Variants in SLC7A11 observed in about 807,000 individuals in gnomAD.
SLC7A11 encodes cystine/glutamate transporter.
Under a neutral mutation model 54.5 loss-of-function variants are expected in SLC7A11, and 35 were observed. That is an observed-to-expected ratio of 0.64 (90% CI 0.49 to 0.85). The LOEUF is 0.85. Ranked by LOEUF, SLC7A11 falls within the 40% of genes least tolerant of loss-of-function variation. SLC7A11 has a pLI of 0.00. For missense variants in SLC7A11, 583 were observed against 618.1 expected (o/e 0.94, Z 0.60); for synonymous variants, 230 against 225.2 (o/e 1.02, Z -0.19).
chr4:138,188,859 A>G (rs930579602), intron 6 of SLC7A11, among the ~76,000 whole-genome samples: 3 of 152,136 alleles, frequency 2.0e-5, no homozygotes, highest in Non-Finnish European at 4.4e-5. Context: ...ATTAAGTTCT[A>G]TTCTTTCTCA....
At chr4:138,228,185 G>C (rs1390368151) in intron 3 of SLC7A11, among the ~76,000 whole-genome samples, 1 of 151,948 alleles carries the variant, frequency 6.6e-6, no homozygotes, top group African/African-American at 2.4e-5. Context: ...TTGAGAATTA[G>C]GATGGGGTTC....
intron 2 of SLC7A11, among the ~76,000 whole-genome samples, chr4:138,235,768 A>G (rs1340978347): frequency 6.6e-6 from 1 of 152,198 alleles, no homozygotes; most frequent in East Asian, 1.9e-4. Flanking sequence ...CAACAATAAA[A>G]TCAAAAAAGA....
At chr4:138,207,145 T>C (rs992805154) in intron 6 of SLC7A11, among the ~76,000 whole-genome samples, 5 of 152,052 alleles carry the variant, frequency 3.3e-5, no homozygotes, top group African/African-American at 1.2e-4. Flanking sequence ...ACAGGGAATA[T>C]CTTTATAAAC....
At chr4:138,228,737 CG>C (rs1738002317) in intron 3 of SLC7A11, among the ~76,000 whole-genome samples, 1 of 111,816 alleles carries the variant, frequency 8.9e-6, no homozygotes, top group Non-Finnish European at 1.7e-5. Context: ...CCAGCCTGGG[CG>C]ACAGAGCAAG....
chr4:138,204,045 T>C (rs1299979879), intron 6 of SLC7A11, among the ~76,000 whole-genome samples: 1 of 152,066 alleles, frequency 6.6e-6, no homozygotes. Context: ...GCCCGAGACA[T>C]CTTCACTTCT....
At chr4:138,193,116 G>A (rs1737051924) in intron 6 of SLC7A11, among the ~76,000 whole-genome samples, 1 of 152,084 alleles carries the variant, frequency 6.6e-6, no homozygotes, top group African/African-American at 2.4e-5. Flanking sequence ...AATAAGAAAT[G>A]AAACAAGTAA....
At chr4:138,203,922 CTACT>C (rs1056576878) in intron 6 of SLC7A11, among the ~76,000 whole-genome samples, 12 of 152,022 alleles carry the variant, frequency 7.9e-5, no homozygotes, top group African/African-American at 2.9e-4. Flanking sequence ...CCACATCCTA[CTACT>C]ATCTTGATTT....
intron 11 of SLC7A11, among the ~76,000 whole-genome samples, chr4:138,178,972 A>T (rs1736650223): frequency 1.3e-5 from 2 of 152,154 alleles, no homozygotes; most frequent in Non-Finnish European, 2.9e-5. Flanking sequence ...ATAAAATTTC[A>T]TCTAAAACAA....
At chr4:138,173,496 T>C (rs1736488748) in intron 11 of SLC7A11, among the ~76,000 whole-genome samples, 1 of 151,820 alleles carries the variant, frequency 6.6e-6, no homozygotes, top group African/African-American at 2.4e-5. Flanking sequence ...AAGCTGGGTG[T>C]GATGGTGCAT....
intron 6 of SLC7A11, among the ~76,000 whole-genome samples, chr4:138,205,006 T>C (rs1213803161): frequency 6.6e-6 from 1 of 152,070 alleles, no homozygotes; most frequent in Non-Finnish European, 1.5e-5. Context: ...TTGAAGAATA[T>C]AGGTTTTGGT....
Position 138,185,162 on chromosome 4 carries a change from T to C in SLC7A11, c.874A>G (p.Ile292Val). The change falls in exon 7 of 12, where the codon ATT (isoleucine) becomes GTT (valine). Residue 292 changes from isoleucine to valine, a missense_variant. Transcript: ENST00000280612. ...GAAAGCAGCAGCTCCTCAGCATTAA[T>C]GGTCGTAAAGTAGGCCACATTTGTC... Reference protein sequence around the residue: ...VLTNVAYFTTINAEELLLSNA... With the variant: ...VLTNVAYFTTVNAEELLLSNA... 1 of 1,612,946 alleles carries C rather than the reference T, an allele frequency of 6.2e-7. No individual in the cohort carries two copies. The highest frequency in any genetic ancestry group is 1.1e-5 in the South Asian group (1 of 91,060).
intron 6 of SLC7A11, among the ~76,000 whole-genome samples, chr4:138,190,054 C>T (rs957552641): frequency 3.9e-5 from 6 of 152,102 alleles, no homozygotes; most frequent in African/African-American, 1.4e-4. Flanking sequence ...CTGTTGGACA[C>T]ATACAATGGT....
rs1202936035 is a variant in SLC7A11 at position 138,183,291 on chromosome 4, C to A, written c.930G>T (p.Arg310=). Residue 310 remains arginine, a synonymous_variant, in exon 8 of 12, where the codon CGG becomes CGT. Coordinates refer to ENST00000280612, the MANE Select transcript of SLC7A11 (RefSeq NM_014331.4). ...SNAVAVTFSE[R]LLGNFSLAVP... ...CTGCTAATGAGAAATTTCCCAGTAGCCGCTCAGAAAAGGTCTAGTGAAAGA... is the reference window on the plus strand; with the variant it reads ...CTGCTAATGAGAAATTTCCCAGTAGACGCTCAGAAAAGGTCTAGTGAAAGA... 1.2e-6 allele frequency: 2 copies of A among 1,610,018 alleles called. No homozygotes were observed. Among genetic ancestry groups the A allele is most frequent in the Non-Finnish European group, 8.5e-7 (1 of 1,177,724 alleles).
chr4:138,223,614 T>C (rs1056574310), intron 3 of SLC7A11, among the ~76,000 whole-genome samples: 4 of 152,156 alleles, frequency 2.6e-5, no homozygotes, highest in Non-Finnish European at 5.9e-5. Context: ...TGGACATATA[T>C]TGTAGTACTC....
chr4:138,239,958 C>T (rs1017066259), intron 1 of SLC7A11, among the ~76,000 whole-genome samples: 3 of 152,098 alleles, frequency 2.0e-5, no homozygotes, highest in Non-Finnish European at 4.4e-5. Flanking sequence ...TGAGGGTGCA[C>T]AAAATCATTT....
At chr4:138,224,091 A>C (rs1289093623) in intron 3 of SLC7A11, among the ~76,000 whole-genome samples, 1 of 152,182 alleles carries the variant, frequency 6.6e-6, no homozygotes, top group African/African-American at 2.4e-5. Flanking sequence ...TCAAGGATAG[A>C]GCAAGGGTTA....
chr4:138,230,449 T>G (rs1738048477), intron 3 of SLC7A11, among the ~76,000 whole-genome samples: 1 of 151,322 alleles, frequency 6.6e-6, no homozygotes. Context: ...AAAAAGAATG[T>G]GACCCAAACA....
chr4:138,164,468 ATGCTTG>A lies in SLC7A11; in HGVS notation c.*7482_*7487del, dbSNP rs1337013197. 6.6e-6 allele frequency: 1 copy of A among 152,142 alleles called. No individual in the cohort carries two copies. The highest frequency in any genetic ancestry group is 2.4e-5 in the African/African-American group (1 of 41,452). 9.4% of individuals were successfully genotyped at this position (152,142 alleles called of 1,614,324 possible). On this transcript the variant is annotated 3_prime_UTR_variant, in exon 12 of 12. Transcript: ENST00000280612. Reference sequence around the variant, plus strand: ...GAATCCATTTTATTTCACATATCACATGCTTGTGCAGGCATCAGTGCTAGGAACCCT... The same window carrying A: ...GAATCCATTTTATTTCACATATCACATGCAGGCATCAGTGCTAGGAACCCT...
Position 138,179,480 on chromosome 4 carries a change from A to G in SLC7A11, c.1267-86T>C, listed in dbSNP as rs76058676. On this transcript the variant is annotated intron_variant, in intron 10 of 11. Transcript: ENST00000280612. ...GAGATGAGCGTGTCAGTCATGACAT[A>G]TACTTTAGTGATATGCTGTAGTCAT... 2,124 of 1,161,100 alleles carry G rather than the reference A, an allele frequency of 1.8e-3. 25 individuals are homozygous for G. The African/African-American group carries it at 0.029, about 16-fold the overall frequency. The allele number at this position is 1,161,100 out of a possible 1,614,324, so 71.9% of individuals were successfully genotyped here.
Sources: gnomAD v4.1 joint callset for allele counts (sites outside exome capture counted in the v4.1 genomes callset) on GRCh38, gnomAD v4.1.1 for gene constraint, MANE v1.5 for transcripts, NCBI Gene and HGNC (gene_info 2026-07-23, HGNC 2026-07-21) for gene names.